SRGAP1: variants seen among roughly 807,000 people sequenced by gnomAD.
SRGAP1 encodes the protein SLIT-ROBO Rho GTPase-activating protein 1.
In SRGAP1, 43 loss-of-function variants were observed where a neutral mutation model predicts 121.9. The observed-to-expected ratio is 0.35, with a 90% CI of 0.28 to 0.46. The LOEUF (loss-of-function observed/expected upper bound fraction) is 0.46. Ranked by LOEUF, SRGAP1 falls within the 20% of genes least tolerant of loss-of-function variation. The pLI, the probability that SRGAP1 is intolerant of heterozygous loss-of-function variation, is 1.00. For missense variants in SRGAP1, 1,102 were observed against 1,350.9 expected (o/e 0.82, Z 2.89); for synonymous variants, 447 against 485.4 (o/e 0.92, Z 1.04).
At chr12:64,106,073 G>A (rs76969074) in intron 15 of SRGAP1, among the ~76,000 whole-genome samples, 2 of 152,154 alleles carry the variant, frequency 1.3e-5, no homozygotes, top group African/African-American at 4.8e-5. Context: ...AGACTAGAAT[G>A]TGGTGGTGTG....
At chr12:63,962,655 G>T (rs1438818216) in intron 1 of SRGAP1, among the ~76,000 whole-genome samples, 2 of 152,114 alleles carry the variant, frequency 1.3e-5, no homozygotes, top group Admixed American at 6.5e-5. Flanking sequence ...TGATCTGTCC[G>T]CTTTGACCTC....
At chr12:64,033,369 A>G (rs1055273936) in intron 4 of SRGAP1, among the ~76,000 whole-genome samples, 5 of 152,168 alleles carry the variant, frequency 3.3e-5, no homozygotes, top group African/African-American at 4.8e-5. Flanking sequence ...AACTTGCCCT[A>G]AAGACCGTAT....
chr12:64,010,713 A>C lies in SRGAP1; in HGVS notation c.427-6237A>C, dbSNP rs1357262397. Among the ~76,000 whole-genome samples, 6 of 152,196 alleles carry C rather than the reference A, an allele frequency of 3.9e-5. No individual in the cohort carries two copies. The East Asian group carries it at 9.6e-4, about 24-fold the overall frequency. ...CAAATGTGACAAGCCTGCTAGCAACATTTCAAGTGTGTAATAAGGACCATC... is the reference window on the plus strand; with the variant it reads ...CAAATGTGACAAGCCTGCTAGCAACCTTTCAAGTGTGTAATAAGGACCATC... On this transcript the variant is annotated intron_variant, in intron 3 of 21. Transcript: ENST00000355086.
rs1352762032 is a variant in SRGAP1, at chr12:64,144,585, C to T, written c.*1913C>T. On this transcript the variant is annotated 3_prime_UTR_variant, in exon 22 of 22. Transcript: ENST00000355086. ...CACAAATGAATAGTGACTTTTTTCC[C>T]ATGTATTTCTAGGTATGGTAAACTT... is the stretch of plus-strand genomic sequence containing the variant. 1 of 152,022 alleles carries T rather than the reference C, an allele frequency of 6.6e-6. No homozygotes were observed. The highest frequency in any genetic ancestry group is 2.4e-5 in the African/African-American group (1 of 41,368). The allele number at this position is 152,022 out of a possible 1,614,324, so 9.4% of individuals were successfully genotyped here.
chr12:64,002,023 C>G (rs191184470), intron 3 of SRGAP1, among the ~76,000 whole-genome samples: 10 of 152,252 alleles, frequency 6.6e-5, no homozygotes, highest in African/African-American at 1.9e-4. Context: ...TTTTAAAATT[C>G]CGTCAAATTG....
At chr12:64,020,664 GA>G (rs1174875312) in intron 4 of SRGAP1, among the ~76,000 whole-genome samples, 1 of 151,928 alleles carries the variant, frequency 6.6e-6, no homozygotes, top group Non-Finnish European at 1.5e-5. Flanking sequence ...CCAACATGGT[GA>G]AACCCCGTCT....
chr12:63,916,158 G>A (rs138811554), intron 1 of SRGAP1, among the ~76,000 whole-genome samples: 75 of 150,174 alleles, frequency 5.0e-4, no homozygotes, highest in African/African-American at 1.7e-3. Context: ...TCACCCTCTC[G>A]AGTAGCTGGG....
At position 63,852,419 on chromosome 12, in the gene SRGAP1, A is replaced by G. The variant is rs532631482; in HGVS notation, c.67+7536A>G. Among the ~76,000 whole-genome samples the G allele has an allele frequency of 3.9e-5, 6 of 152,354 alleles. No individual in the cohort carries two copies. In the East Asian group the frequency reaches 9.6e-4, roughly 24 times the overall value. On this transcript the variant is annotated intron_variant, in intron 1 of 21. Transcript: ENST00000355086. ...AAGTGGACTAATCTTGAATTATCCT[A>G]AGAGAGTGCCATGTGCTTTTAGAGT... is the stretch of plus-strand genomic sequence containing the variant.
chr12:64,019,661 A>C (rs1461992866), intron 4 of SRGAP1, among the ~76,000 whole-genome samples: 1 of 152,178 alleles, frequency 6.6e-6, no homozygotes, highest in Non-Finnish European at 1.5e-5. Flanking sequence ...TGTCTTGTTC[A>C]AATCAAATCT....
chr12:64,003,082 G>A (rs12824315), intron 3 of SRGAP1, among the ~76,000 whole-genome samples: 1 of 143,728 alleles, frequency 7.0e-6, no homozygotes, highest in African/African-American at 2.6e-5. Flanking sequence ...GAGGGAGGAA[G>A]GGAGGGTGGG....
intron 8 of SRGAP1, among the ~76,000 whole-genome samples, chr12:64,075,483 C>T (rs1003694459): frequency 1.3e-5 from 2 of 152,140 alleles, no homozygotes; most frequent in Non-Finnish European, 2.9e-5. Flanking sequence ...AGTTTTGGGG[C>T]CAGTTTATGG....
chr12:63,890,982 G>A (rs775381678), intron 1 of SRGAP1, among the ~76,000 whole-genome samples: 4 of 152,210 alleles, frequency 2.6e-5, no homozygotes, highest in African/African-American at 4.8e-5. Context: ...TCCCAAGGCT[G>A]GGAGGAGGTA....
chr12:63,897,499 G>T (rs1413376887), intron 1 of SRGAP1, among the ~76,000 whole-genome samples: 1 of 152,134 alleles, frequency 6.6e-6, no homozygotes, highest in African/African-American at 2.4e-5. Flanking sequence ...AATGAAATTT[G>T]TGTATAGTCT....
In SRGAP1 at chr12:64,079,014, C is replaced by G; in HGVS notation, c.1221C>G (p.Ser407=). The G allele has an allele frequency of 6.2e-7, 1 of 1,614,102 alleles. No individual in the cohort carries two copies. Among genetic ancestry groups the G allele is most frequent in the Non-Finnish European group, 8.5e-7 (1 of 1,179,992 alleles). The change falls in exon 9 of 22, where the codon TCC becomes TCG. Residue 407 remains serine (S), a synonymous_variant. Transcript: ENST00000355086. ...DVSECFQHSR[S]TESVKSTVSE... ...CTGAATGCTTCCAGCACAGTCGTTC[C>G]ACAGAATCAGTGAAGTCCACTGTCT... is the stretch of plus-strand genomic sequence containing the variant.
intron 6 of SRGAP1, among the ~76,000 whole-genome samples, chr12:64,053,387 C>T (rs527514368): frequency 1.3e-5 from 2 of 152,114 alleles, no homozygotes; most frequent in South Asian, 2.1e-4. Flanking sequence ...CTCTAGTTTG[C>T]GGATCCTGAT....
At chr12:64,013,525 A>C (rs7966857) in intron 3 of SRGAP1, among the ~76,000 whole-genome samples, 4 of 152,160 alleles carry the variant, frequency 2.6e-5, no homozygotes, top group African/African-American at 9.7e-5. Flanking sequence ...CAAAGTGGAC[A>C]AACAGGCAGA....
At chr12:63,965,254 T>G (rs1183276046) in intron 1 of SRGAP1, among the ~76,000 whole-genome samples, 5 of 152,174 alleles carry the variant, frequency 3.3e-5, no homozygotes, top group Non-Finnish European at 7.3e-5. Context: ...AAAGACAGTA[T>G]ATGAACACAT....
chr12:63,877,293 G>GT (rs1448527397), intron 1 of SRGAP1, among the ~76,000 whole-genome samples: 1 of 152,148 alleles, frequency 6.6e-6, no homozygotes, highest in Non-Finnish European at 1.5e-5. Context: ...TATTTTGTGT[G>GT]TGTATGTATT....
chr12:64,126,473 T>C (rs1193359621), intron 19 of SRGAP1, among the ~76,000 whole-genome samples: 1 of 152,256 alleles, frequency 6.6e-6, no homozygotes, highest in Admixed American at 6.5e-5. Flanking sequence ...CTTCTCTTGA[T>C]GTCTGTTTAC....
Sources: allele counts gnomAD v4.1 joint callset (sites outside exome capture counted in the v4.1 genomes callset), GRCh38; gene constraint gnomAD v4.1.1; transcripts MANE v1.5; gene names NCBI Gene and HGNC (gene_info 2026-07-23, HGNC 2026-07-21).